TLL1: variants seen among roughly 807,000 people sequenced by gnomAD.
The protein encoded by TLL1 is tolloid like 1.
TLL1 carries 49 observed loss-of-function variants against 128.2 expected under a neutral mutation model. The ratio of observed to expected loss-of-function variants is 0.38; its 90% confidence interval spans 0.30 to 0.48. The LOEUF (loss-of-function observed/expected upper bound fraction) is 0.48. TLL1 is among the 20% of genes least tolerant of loss of function. The probability of loss-of-function intolerance (pLI) is 0.96; values close to 1 mark genes in which losing one functional copy is unlikely to be tolerated. For synonymous variants in TLL1, 454 were observed against 418.8 expected (o/e 1.08, Z -1.03); for missense variants, 1,123 against 1,242.0 (o/e 0.90, Z 1.44).
rs186602860 is a variant in TLL1, at chr4:165,878,403, G to A, written c.169+4330G>A. On this transcript the variant is annotated intron_variant, in intron 1 of 20. Transcript: ENST00000061240. ...TCTTCTTGCCTTGGGTGCCAACTCA[G>A]AAGTCGCCAAAATACAGTGTTTGCA... Among the ~76,000 whole-genome samples, 110 of 151,636 alleles carry A rather than the reference G, an allele frequency of 7.3e-4. 1 individual carries two copies. Among genetic ancestry groups the A allele is most frequent in the Admixed American group, 4.6e-3 (70 of 15,240 alleles).
intron 1 of TLL1, among the ~76,000 whole-genome samples, chr4:165,929,010 G>A (rs1579499214): frequency 1.3e-5 from 2 of 152,186 alleles, no homozygotes; most frequent in Non-Finnish European, 2.9e-5. Context: ...CTCAGGAGAA[G>A]CAAGTGTCGG....
chr4:165,883,907 T>C (rs907644356), intron 1 of TLL1, among the ~76,000 whole-genome samples: 27 of 152,186 alleles, frequency 1.8e-4, no homozygotes, highest in Admixed American at 6.5e-5. Flanking sequence ...TATTGACAAT[T>C]TTCAATTCAC....
chr4:166,078,113 TTATC>T, intron 18 of TLL1, 83 bp downstream of exon 18: 2 of 1,593,514 alleles, frequency 1.3e-6, no homozygotes, highest in South Asian at 2.2e-5. Flanking sequence ...AAATGGAGGT[TTATC>T]TAATTGAATC....
chr4:166,044,313 CTACT>C, intron 12 of TLL1: 1 of 1,492,814 alleles, frequency 6.7e-7, no homozygotes, highest in Non-Finnish European at 9.0e-7. Context: ...ACTATGAACA[CTACT>C]TACTGAGGGC....
At chr4:165,982,768 T>G (rs1326986530) in intron 1 of TLL1, among the ~76,000 whole-genome samples, 1 of 147,260 alleles carries the variant, frequency 6.8e-6, no homozygotes, top group Non-Finnish European at 1.5e-5. Context: ...TTGCATGAAC[T>G]GTCTTACTTC....
At chr4:166,058,859 G>T (rs1038876033) in intron 14 of TLL1, among the ~76,000 whole-genome samples, 2 of 152,104 alleles carry the variant, frequency 1.3e-5, no homozygotes, top group Admixed American at 6.6e-5. Flanking sequence ...AAAGGGGAAA[G>T]AATTATTTGC....
At chr4:165,880,888 C>A (rs572820362) in intron 1 of TLL1, among the ~76,000 whole-genome samples, 1 of 152,320 alleles carries the variant, frequency 6.6e-6, no homozygotes, top group African/African-American at 2.4e-5. Flanking sequence ...CGGGTTGCTG[C>A]TGTAAGTGTC....
intron 12 of TLL1, among the ~76,000 whole-genome samples, chr4:166,050,529 T>TA (rs1250668622): frequency 1.3e-5 from 2 of 152,190 alleles, no homozygotes; most frequent in Non-Finnish European, 1.5e-5. Flanking sequence ...TACCTTTTAC[T>TA]AAAAATTATT....
At chr4:165,979,503 T>C (rs1049342998) in intron 1 of TLL1, among the ~76,000 whole-genome samples, 23 of 152,112 alleles carry the variant, frequency 1.5e-4, no homozygotes, top group Non-Finnish European at 2.8e-4. Context: ...TTTGGAAGAA[T>C]AGAAACATGT....
chr4:166,036,208 A>C (rs1738991412), intron 9 of TLL1, among the ~76,000 whole-genome samples: 1 of 152,160 alleles, frequency 6.6e-6, no homozygotes, highest in African/African-American at 2.4e-5. Flanking sequence ...ACAGACACCC[A>C]GTCCCTTGAA....
chr4:166,075,116 A>C (rs1740964540), intron 17 of TLL1, 113 bp downstream of exon 17: 9 of 1,498,272 alleles, frequency 6.0e-6, no homozygotes, highest in Non-Finnish European at 7.3e-6. Context: ...ATGGTGGGCT[A>C]TCCAAATGTC....
chr4:166,037,009 A>C (rs1237473246), intron 9 of TLL1, among the ~76,000 whole-genome samples: 1 of 152,172 alleles, frequency 6.6e-6, no homozygotes, highest in African/African-American at 2.4e-5. Flanking sequence ...GGGAAGCCAG[A>C]ACGTGAGCCC....
chr4:165,984,897 ATAGT>A (rs1352496915), intron 1 of TLL1, among the ~76,000 whole-genome samples: 3 of 151,988 alleles, frequency 2.0e-5, no homozygotes, highest in Non-Finnish European at 2.9e-5. Context: ...TATTCTTGGA[ATAGT>A]TAAATATTTA....
chr4:165,973,686 A>C (rs976574165), intron 1 of TLL1, among the ~76,000 whole-genome samples: 1 of 148,842 alleles, frequency 6.7e-6, no homozygotes, highest in Non-Finnish European at 1.5e-5. Context: ...CTTTTTTGAG[A>C]TGGAGTCTTG....
intron 1 of TLL1, among the ~76,000 whole-genome samples, chr4:165,943,500 G>A (rs1382349824): frequency 6.6e-6 from 1 of 151,814 alleles, no homozygotes; most frequent in Non-Finnish European, 1.5e-5. Context: ...TAGATTAAAT[G>A]CACGTAAAAG....
rs10020494 is a variant in TLL1 at position 166,035,963 on chromosome 4, T to C, written c.1159-3376T>C. ...AAAAATATCGCCACTCTGGAAAGTT[T>C]ACTAGACTTGTGCAGGCTTCTTCTG... On this transcript the variant is annotated intron_variant, in intron 9 of 20. Transcript: ENST00000061240. 4.6e-3 allele frequency among the ~76,000 whole-genome samples: 697 copies of C among 152,328 alleles called. 2 individuals are homozygous for C. The highest frequency in any genetic ancestry group is 0.016 in the African/African-American group (663 of 41,578).
chr4:166,100,771 T>C lies in TLL1; in HGVS notation c.2937T>C (p.Asp979=). ...CAGAAGAGATTTATTCAATTGGAGA[T>C]TCAGTTTTAATTCATTTCCACACTG... ...GPPEEIYSIG[D]SVLIHFHTDD... is the part of the protein sequence containing the mutation. The change falls in exon 21 of 21, where the codon GAT becomes GAC. Residue 979 remains aspartate (D), a synonymous_variant. Coordinates refer to ENST00000061240, the MANE Select transcript of TLL1 (RefSeq NM_012464.5). 6.2e-7 allele frequency: 1 copy of C among 1,613,132 alleles called. No individual in the cohort carries two copies. Among genetic ancestry groups the C allele is most frequent in the Non-Finnish European group, 8.5e-7 (1 of 1,179,368 alleles).
At chr4:165,961,634 G>A (rs2110960535) in intron 1 of TLL1, among the ~76,000 whole-genome samples, 1 of 152,204 alleles carries the variant, frequency 6.6e-6, no homozygotes, top group African/African-American at 2.4e-5. Flanking sequence ...AAAGACCAGT[G>A]GAATAGAGCA....
intron 1 of TLL1, among the ~76,000 whole-genome samples, chr4:165,923,502 C>G (rs1273155671): frequency 7.6e-6 from 1 of 132,234 alleles, no homozygotes; most frequent in Non-Finnish European, 1.5e-5. Flanking sequence ...GATCTCGGCT[C>G]ACTGCAAGCT....
Sources: gnomAD v4.1 joint callset for allele counts (sites outside exome capture counted in the v4.1 genomes callset) on GRCh38, gnomAD v4.1.1 for gene constraint, MANE v1.5 for transcripts, NCBI Gene and HGNC (gene_info 2026-07-23, HGNC 2026-07-21) for gene names.